The following SLC50A1 variants were observed in gnomAD, a reference collection of about 807,000 sequenced individuals.
SLC50A1 encodes the protein solute carrier family 50 member 1, also known as sugar transporter SWEET1.
SLC50A1 carries 22 observed loss-of-function variants against 28.9 expected under a neutral mutation model. The observed-to-expected ratio is 0.76, with a 90% confidence interval of 0.54 to 1.09. SLC50A1 has a LOEUF of 1.09. Ranked by LOEUF, SLC50A1 falls within the 50% of genes least tolerant of loss-of-function variation. SLC50A1 has a pLI of 0.00. For missense variants in SLC50A1, 233 were observed against 273.4 expected (o/e 0.85, Z 1.04); for synonymous variants, 96 against 110.6 (o/e 0.87, Z 0.83).
intron 1 of SLC50A1, 150 bp downstream of exon 1, chr1:155,136,141 G>T: frequency 3.1e-6 from 3 of 966,816 alleles, no homozygotes; most frequent in Non-Finnish European, 4.6e-6. Flanking sequence ...GGGCGAGGCT[G>T]GTCACTAGGC....
At chr1:155,137,428 CTG>C in intron 3 of SLC50A1, 131 bp from the exon 4 acceptor site, 3 of 1,029,082 alleles carry the variant, frequency 2.9e-6, no homozygotes, top group Non-Finnish European at 4.3e-6. Flanking sequence ...GGGAAAGAAG[CTG>C]TGACAGTGCA....
chr1:155,136,267 C>A, intron 1 of SLC50A1, 32 bp from the exon 2 acceptor site: 2 of 1,413,454 alleles, frequency 1.4e-6, no homozygotes, highest in South Asian at 1.2e-5. Flanking sequence ...TCCCTTCCCA[C>A]CCCCACCCCT....
In SLC50A1 at chr1:155,138,306, C is replaced by T; in HGVS notation, c.*25C>T. ...AGGCTGCTCATCTGACCACTGGGCA[C>T]CTTAGTGCCAACCTGAACCAAAGAG... On this transcript the variant is annotated 3_prime_UTR_variant, in exon 6 of 6. Coordinates refer to ENST00000368404, the MANE Select transcript of SLC50A1 (RefSeq NM_018845.4). 6.2e-7 allele frequency: 1 copy of T among 1,609,724 alleles called. No individual in the cohort carries two copies. The highest frequency in any genetic ancestry group is 1.1e-5 in the South Asian group (1 of 90,668).
At chr1:155,136,187 A>AG (rs56367425) in intron 1 of SLC50A1, 112 bp from the exon 2 acceptor site, 701,059 of 709,668 alleles carry the variant, frequency 0.99, 346,296 homozygotes, top group East Asian at 1. Flanking sequence ...CGGGGGGGAG[A>AG]GGGGGCGGGG....
In SLC50A1 at chr1:155,138,227, T is replaced by G; in HGVS notation, c.612T>G (p.Leu204=). The change falls in exon 6 of 6, where the codon CTT becomes CTG. Residue 204 remains leucine, a synonymous_variant. Transcript: ENST00000368404. ...TCACCAGCTTTATCCGCTTCTGGCT[T>G]TTCTGGAAGTACCCCCAGGAGCAAG... The part of the protein sequence containing the change: ...GIVTSFIRFW[L]FWKYPQEQDR... The G allele has an allele frequency of 6.2e-7, 1 of 1,614,148 alleles. No individual in the cohort carries two copies. The highest frequency in any genetic ancestry group is 8.5e-7 in the Non-Finnish European group (1 of 1,180,016).
upstream of SLC50A1, chr1:155,135,666 C>T: frequency 6.4e-7 from 1 of 1,550,388 alleles, no homozygotes; most frequent in Non-Finnish European, 8.7e-7. Context: ...GGGGACTGAC[C>T]GGGACATGGA....
intron 5 of SLC50A1, 34 bp from the exon 6 acceptor site, chr1:155,138,146 G>A: frequency 6.2e-7 from 1 of 1,614,132 alleles, no homozygotes; most frequent in Non-Finnish European, 8.5e-7. Flanking sequence ...TGGAAAACTG[G>A]CTCCTCTCCT....
In SLC50A1 at chr1:155,138,508, AG is replaced by A. The variant is rs1452843781; in HGVS notation, c.*229del. The A allele has an allele frequency of 5.5e-6, 3 of 545,864 alleles. No individual in the cohort carries two copies. The African/African-American group carries it at 5.7e-5, about 10-fold the overall frequency. 33.8% of individuals were successfully genotyped at this position (545,864 alleles called of 1,614,324 possible). A position where few individuals can be genotyped will look rare whatever the true frequency, so the allele number is the denominator to read the frequency against. ...TAGAGATTTTTTTTTTTAATTTTGGAGGTTGGGGTGCAATCTTTAGAATATG... is the reference window on the plus strand; with the variant it reads ...TAGAGATTTTTTTTTTTAATTTTGGAGTTGGGGTGCAATCTTTAGAATATG... On this transcript the variant is annotated 3_prime_UTR_variant, in exon 6 of 6. Coordinates refer to ENST00000368404, the MANE Select transcript of SLC50A1 (RefSeq NM_018845.4).
upstream of SLC50A1, chr1:155,135,668 G>A (rs1353323488): frequency 1.2e-5 from 19 of 1,550,458 alleles, no homozygotes; most frequent in East Asian, 4.4e-4. Context: ...GGACTGACCG[G>A]GACATGGAAG....
rs202179365 is a variant in SLC50A1 at position 155,136,988 on chromosome 1, C to T, written c.282+37C>T. On this transcript the variant is annotated intron_variant, in intron 3 of 5. Coordinates refer to ENST00000368404, the MANE Select transcript of SLC50A1 (RefSeq NM_018845.4). ...CCCTTGGACCCACCTATCTGCTGCA[C>T]GCCCTGCCTTGCTGGCAGGGCAAAC... The T allele has an allele frequency of 3.1e-4, 490 of 1,602,226 alleles. 1 individual carries two copies. The highest frequency in any genetic ancestry group is 2.0e-4 in the Non-Finnish European group (238 of 1,170,882).
In SLC50A1 at chr1:155,137,600, C is replaced by T; in HGVS notation, c.322C>T (p.Leu108Phe). The change falls in exon 4 of 6, where the codon CTT becomes TTT. Residue 108 changes from leucine to phenylalanine, a missense_variant. Coordinates refer to ENST00000368404, the MANE Select transcript of SLC50A1 (RefSeq NM_018845.4). ...ACAGACTGCAACCCTGCTAGGGGTC[C>T]TTCTCCTGGGTTATGGCTACTTTTG... ...LLQTATLLGV[L>F]LLGYGYFWLL... 1 of 1,614,188 alleles carries T rather than the reference C, an allele frequency of 6.2e-7. No individual in the cohort carries two copies. Among genetic ancestry groups the T allele is most frequent in the Non-Finnish European group, 8.5e-7 (1 of 1,180,028 alleles).
At chr1:155,135,755 G>A, upstream of SLC50A1, 1 of 1,549,568 alleles carries the variant, frequency 6.5e-7, no homozygotes, top group Non-Finnish European at 8.7e-7. Flanking sequence ...AGGGAGGGTG[G>A]GGCTTCGGCG....
chr1:155,137,481 C>T, intron 3 of SLC50A1, 80 bp from the exon 4 acceptor site: 1 of 1,557,662 alleles, frequency 6.4e-7, no homozygotes, highest in East Asian at 2.2e-5. Context: ...CATTGGAGCA[C>T]TGGAGAAGGC....
rs1664539545 is a variant in SLC50A1, at chr1:155,137,227, C to CT, written c.282+277dup. 3 of 550,126 alleles carry CT rather than the reference C, an allele frequency of 5.5e-6. No homozygotes were observed. In the East Asian group the frequency reaches 9.3e-5, roughly 17 times the overall value. 34.1% of individuals were successfully genotyped at this position (550,126 alleles called of 1,614,324 possible). A position where few individuals can be genotyped will look rare whatever the true frequency, so the allele number is the denominator to read the frequency against. The stretch of plus-strand genomic sequence containing the variant: ...AGCTAAGGGGAAAGGGCTTTTGTCT[C>CT]TGATATTTCTTTCAGAGCCAGGGCC... On this transcript the variant is annotated intron_variant, in intron 3 of 5. Transcript: ENST00000368404.
chr1:155,135,725 G>A (rs1057318611), upstream of SLC50A1: 1 of 1,549,630 alleles, frequency 6.5e-7, no homozygotes. Flanking sequence ...AGAGGGGCGC[G>A]AGTTCCGGTT....
At chr1:155,135,449 C>T (rs944139837), upstream of SLC50A1, 5 of 806,194 alleles carry the variant, frequency 6.2e-6, no homozygotes, top group African/African-American at 8.7e-5. Context: ...AAACCCTGGG[C>T]AACTGAGGTT....
chr1:155,135,575 G>C (rs1324990288), upstream of SLC50A1: 5 of 1,545,842 alleles, frequency 3.2e-6, no homozygotes, highest in African/African-American at 6.9e-5. Context: ...CGTTGAGACT[G>C]GGGGCGTCTA....
intron 2 of SLC50A1, 163 bp downstream of exon 2, chr1:155,136,539 C>G (rs909562522): frequency 1.9e-5 from 14 of 735,278 alleles, no homozygotes; most frequent in Non-Finnish European, 2.8e-5. Flanking sequence ...GTCAGGAGAT[C>G]CAGACCATCC....
chr1:155,135,747 G>A, upstream of SLC50A1: 7 of 1,549,532 alleles, frequency 4.5e-6, no homozygotes, highest in Non-Finnish European at 6.1e-6. Flanking sequence ...GGCGTCGGAG[G>A]GAGGGTGGGG....
Sources: gnomAD v4.1 joint callset for allele counts on GRCh38, gnomAD v4.1.1 for gene constraint, MANE v1.5 for transcripts, NCBI Gene and HGNC (gene_info 2026-07-23, HGNC 2026-07-21) for gene names.